The following PPIG variants were observed in gnomAD, a reference collection of about 807,000 sequenced individuals.
The protein encoded by PPIG is peptidylprolyl isomerase G, also known as peptidyl-prolyl cis-trans isomerase G.
In PPIG, 26 loss-of-function variants were observed where a neutral mutation model predicts 87.9. That is an observed-to-expected ratio of 0.30 (90% confidence interval 0.22 to 0.41). The LOEUF is 0.41. Among genes scored for constraint, PPIG ranks in the 10% least tolerant of loss-of-function variants. The pLI, the probability that PPIG is intolerant of heterozygous loss-of-function variation, is 1.00. For synonymous variants in PPIG, 308 were observed against 276.5 expected (o/e 1.11, Z -1.13); for missense variants, 722 against 879.4 (o/e 0.82, Z 2.26).
intron 9 of PPIG, among the ~76,000 whole-genome samples, chr2:169,618,487 C>T (rs1558895991): frequency 6.6e-6 from 1 of 152,000 alleles, no homozygotes; most frequent in East Asian, 1.9e-4. Flanking sequence ...TGGTCCTGGG[C>T]TTTTTTTGGT....
intron 1 of PPIG, among the ~76,000 whole-genome samples, chr2:169,603,214 C>T (rs552989854): frequency 6.6e-6 from 1 of 152,226 alleles, no homozygotes; most frequent in East Asian, 1.9e-4. Context: ...ACTATTTACA[C>T]TTAGTGCCTT....
intron 12 of PPIG, among the ~76,000 whole-genome samples, chr2:169,634,935 C>T (rs886154852): frequency 6.6e-6 from 1 of 152,080 alleles, no homozygotes; most frequent in African/African-American, 2.4e-5. Flanking sequence ...TCAATATTTA[C>T]TCTTTCAGGA....
chr2:169,610,966 G>A (rs573494811), intron 7 of PPIG, among the ~76,000 whole-genome samples: 5 of 152,300 alleles, frequency 3.3e-5, no homozygotes, highest in South Asian at 4.1e-4. Flanking sequence ...AACACTTTGG[G>A]AAGCCGAGGT....
At chr2:169,633,834 CCCT>C (rs1686118864) in intron 12 of PPIG, among the ~76,000 whole-genome samples, 1 of 100,760 alleles carries the variant, frequency 9.9e-6, no homozygotes. Flanking sequence ...TTCCACCCCC[CCCT>C]TTTTTTTTTT....
chr2:169,625,022 A>G (rs1688204803), intron 9 of PPIG, among the ~76,000 whole-genome samples: 1 of 152,228 alleles, frequency 6.6e-6, no homozygotes, highest in South Asian at 2.1e-4. Flanking sequence ...GTTATGATAC[A>G]TGTATACAAT....
Position 169,639,020 on chromosome 2 carries a change from A to G in PPIG, c.*1497A>G, listed in dbSNP as rs905215563. ...AATGCTATTTGTACTGAATAAAGCA[A>G]TTATTAACATGATACTTCCCACTAT... On this transcript the variant is annotated 3_prime_UTR_variant, in exon 14 of 14. Coordinates refer to ENST00000260970, the MANE Select transcript of PPIG (RefSeq NM_004792.3). The G allele has an allele frequency of 5.3e-5, 8 of 152,020 alleles. No individual in the cohort carries two copies. Among genetic ancestry groups the G allele is most frequent in the African/African-American group, 7.2e-5 (3 of 41,452 alleles). The allele number at this position is 152,020 out of a possible 1,614,324, so 9.4% of individuals were successfully genotyped here. A position where few individuals can be genotyped will look rare whatever the true frequency, so the allele number is the denominator to read the frequency against.
chr2:169,584,939 A>C, intron 1 of PPIG: 1 of 196,712 alleles, frequency 5.1e-6, no homozygotes, highest in Non-Finnish European at 1.0e-5. Context: ...AGACAGCCTG[A>C]CGTCCTGTCA....
intron 10 of PPIG, chr2:169,631,542 T>C: frequency 1.6e-6 from 2 of 1,285,002 alleles, no homozygotes; most frequent in Non-Finnish European, 9.9e-7. Flanking sequence ...TAGGAAAATA[T>C]TTTTTGAGAG....
intron 9 of PPIG, among the ~76,000 whole-genome samples, chr2:169,623,650 A>G (rs1049126589): frequency 1.3e-5 from 2 of 152,214 alleles, no homozygotes; most frequent in Non-Finnish European, 2.9e-5. Flanking sequence ...ATTCATTTCT[A>G]TGGTGACAGG....
In PPIG at chr2:169,597,803, CTT is replaced by C. The variant is rs1685061199; in HGVS notation, c.-69-5838_-69-5837del. On this transcript the variant is annotated intron_variant, in intron 1 of 13. Transcript: ENST00000260970. ...CATGAGCCACCACGCCCAGCTCTCT[CTT>C]CTTTTAAAAATATACAAAGACAGTA... Among the ~76,000 whole-genome samples, 3 of 152,090 alleles carry C rather than the reference CTT, an allele frequency of 2.0e-5. No homozygotes were observed. The East Asian group carries it at 5.8e-4, about 29-fold the overall frequency.
chr2:169,622,938 T>C (rs1685795749), intron 9 of PPIG, among the ~76,000 whole-genome samples: 1 of 152,222 alleles, frequency 6.6e-6, no homozygotes, highest in East Asian at 1.9e-4. Flanking sequence ...ACACCTGTTT[T>C]TTTTAACTTC....
intron 11 of PPIG, 59 bp from the exon 12 acceptor site, chr2:169,633,101 T>A: frequency 7.9e-7 from 1 of 1,269,436 alleles, no homozygotes; most frequent in East Asian, 2.3e-5. Context: ...TAAAGTAACA[T>A]GTCTGGCCAA....
At chr2:169,600,267 G>C (rs1241457635) in intron 1 of PPIG, among the ~76,000 whole-genome samples, 1 of 151,940 alleles carries the variant, frequency 6.6e-6, no homozygotes, top group Admixed American at 6.6e-5. Flanking sequence ...TGGAGACAGG[G>C]TTTTGCCATG....
intron 4 of PPIG, 94 bp downstream of exon 4, chr2:169,604,355 T>G (rs1443691908): frequency 2.6e-5 from 21 of 813,274 alleles, no homozygotes; most frequent in Non-Finnish European, 3.4e-5. Context: ...TTTTTTTTTT[T>G]GAGACAGGAT....
intron 9 of PPIG, among the ~76,000 whole-genome samples, chr2:169,616,735 T>A (rs960913962): frequency 3.3e-5 from 5 of 152,182 alleles, no homozygotes; most frequent in African/African-American, 1.2e-4. Flanking sequence ...TCTTTATAGA[T>A]TCTGGATATT....
intron 9 of PPIG, among the ~76,000 whole-genome samples, chr2:169,621,734 A>ATTT (rs34145095): frequency 1.8e-3 from 257 of 144,716 alleles, no homozygotes; most frequent in Non-Finnish European, 3.0e-3. Flanking sequence ...TTGACAACTA[A>ATTT]TTTTTTTTTT....
At chr2:169,600,986 C>T (rs1220422730) in intron 1 of PPIG, among the ~76,000 whole-genome samples, 2 of 152,032 alleles carry the variant, frequency 1.3e-5, no homozygotes, top group African/African-American at 4.8e-5. Context: ...AGACTCAGTC[C>T]CTTTTGCAGA....
intron 9 of PPIG, among the ~76,000 whole-genome samples, chr2:169,618,717 T>C (rs980949904): frequency 6.6e-6 from 1 of 152,154 alleles, no homozygotes; most frequent in African/African-American, 2.4e-5. Flanking sequence ...TATCATTTTT[T>C]ATTGTGTCTA....
chr2:169,595,632 G>T lies in PPIG; in HGVS notation c.-69-8010G>T, dbSNP rs11902082. Reference sequence around the variant, plus strand: ...AAGAGTTCAATTGTTTAAATTTTTAGCTCCCACAAATAAGTGAGAACATGT... The same window carrying T: ...AAGAGTTCAATTGTTTAAATTTTTATCTCCCACAAATAAGTGAGAACATGT... On this transcript the variant is annotated intron_variant, in intron 1 of 13. Coordinates refer to ENST00000260970, the MANE Select transcript of PPIG (RefSeq NM_004792.3). Among the ~76,000 whole-genome samples the T allele has an allele frequency of 5.8e-3, 879 of 152,032 alleles. 12 individuals carry two copies. Among genetic ancestry groups the T allele is most frequent in the African/African-American group, 0.02 (837 of 41,464 alleles).
Sources: allele counts gnomAD v4.1 joint callset (sites outside exome capture counted in the v4.1 genomes callset), GRCh38; gene constraint gnomAD v4.1.1; transcripts MANE v1.5; gene names NCBI Gene and HGNC (gene_info 2026-07-23, HGNC 2026-07-21).